Variants in CEP85L observed in about 807,000 individuals in gnomAD.
CEP85L encodes the protein centrosomal protein of 85 kDa-like.
In CEP85L, 60 loss-of-function variants were observed where a neutral mutation model predicts 100.3. The observed-to-expected ratio is 0.60, with a 90% confidence interval of 0.49 to 0.74. The LOEUF is 0.74. Ranked by LOEUF, CEP85L falls within the 30% of genes least tolerant of loss-of-function variation. The pLI, the probability that CEP85L is intolerant of heterozygous loss-of-function variation, is 0.00. For synonymous variants in CEP85L, 319 were observed against 322.7 expected, an observed-to-expected ratio of 0.99 and a Z score of 0.12; for missense variants, 973 against 936.2, an observed-to-expected ratio of 1.04 and a Z score of -0.51.
chr6:118,647,208 T>A (rs950334869), intron 1 of CEP85L: 1 of 239,284 alleles, frequency 4.2e-6, no homozygotes, highest in Non-Finnish European at 6.8e-6. Context: ...AAACACCTTA[T>A]GGCAAGCATC....
At chr6:118,612,707 T>G (rs1341663474) in intron 2 of CEP85L, among the ~76,000 whole-genome samples, 3 of 118,400 alleles carry the variant, frequency 2.5e-5, no homozygotes, top group East Asian at 3.2e-4. Context: ...CTCAAATCAG[T>G]AATCTAATCT....
At chr6:118,591,219 G>A (rs916495280) in intron 2 of CEP85L, among the ~76,000 whole-genome samples, 8 of 152,168 alleles carry the variant, frequency 5.3e-5, no homozygotes, top group African/African-American at 1.7e-4. Context: ...GGGTCTGGAG[G>A]CAGGGAACCT....
intron 1 of CEP85L, among the ~76,000 whole-genome samples, chr6:118,707,457 G>C (rs1299213835): frequency 1.3e-5 from 2 of 152,118 alleles, no homozygotes; most frequent in Non-Finnish European, 2.9e-5. Flanking sequence ...GCCTCCCAAA[G>C]TGCTGGGATT....
chr6:118,570,491 A>C (rs1232614084), intron 2 of CEP85L, among the ~76,000 whole-genome samples: 2 of 152,194 alleles, frequency 1.3e-5, no homozygotes, highest in Non-Finnish European at 2.9e-5. Flanking sequence ...TGAGTGAAAA[A>C]TCAATTTCAC....
intron 2 of CEP85L, among the ~76,000 whole-genome samples, chr6:118,570,603 C>T (rs1438049962): frequency 6.6e-6 from 1 of 152,118 alleles, no homozygotes; most frequent in Non-Finnish European, 1.5e-5. Flanking sequence ...TCCCTTATTA[C>T]AAATTCTCAA....
chr6:118,472,441 A>G (rs1773034123), intron 10 of CEP85L, among the ~76,000 whole-genome samples: 1 of 152,168 alleles, frequency 6.6e-6, no homozygotes, highest in Non-Finnish European at 1.5e-5. Context: ...GTGCTGTACA[A>G]ATTGGTCTAG....
At chr6:118,505,621 G>A (rs1324805660) in intron 5 of CEP85L, among the ~76,000 whole-genome samples, 1 of 151,998 alleles carries the variant, frequency 6.6e-6, no homozygotes, top group East Asian at 1.9e-4. Flanking sequence ...AGTGAAAGAA[G>A]CCAGTTTAAA....
chr6:118,461,599 G>C lies in CEP85L; in HGVS notation c.*3806C>G, dbSNP rs2114351770. The C allele has an allele frequency of 6.6e-6, 1 of 151,826 alleles. No individual in the cohort carries two copies. The highest frequency in any genetic ancestry group is 1.5e-5 in the Non-Finnish European group (1 of 67,882). 9.4% of individuals were successfully genotyped at this position (151,826 alleles called of 1,614,324 possible). A position where few individuals can be genotyped will look rare whatever the true frequency, so the allele number is the denominator to read the frequency against. On this transcript the variant is annotated 3_prime_UTR_variant, in exon 13 of 13. Coordinates refer to ENST00000368491, the MANE Select transcript of CEP85L (RefSeq NM_001042475.3). ...ATTTAAAACTATATTCTTATATTTA[G>C]CACTTTTTTAAATAAGAAAAAAAAT... is the stretch of plus-strand genomic sequence containing the variant.
At chr6:118,671,688 A>G (rs911359572) in intron 1 of CEP85L, among the ~76,000 whole-genome samples, 3 of 152,204 alleles carry the variant, frequency 2.0e-5, no homozygotes, top group African/African-American at 7.2e-5. Context: ...TTATAATTCC[A>G]GCACTTTGGG....
intron 2 of CEP85L, among the ~76,000 whole-genome samples, chr6:118,625,717 A>G (rs1012306621): frequency 2.0e-5 from 3 of 152,230 alleles, no homozygotes; most frequent in Non-Finnish European, 4.4e-5. Flanking sequence ...ACGTAGAAAG[A>G]GTGAACTCCA....
chr6:118,537,226 GA>G lies in CEP85L; in HGVS notation c.1021-13307del, dbSNP rs573015638. On this transcript the variant is annotated intron_variant, in intron 3 of 12. Transcript: ENST00000368491. ...TATAACTTATTAATGACAAAACTTT[GA>G]CATGAACATGCAATGTAAAAGGTAG... Among the ~76,000 whole-genome samples the G allele has an allele frequency of 9.2e-5, 14 of 152,142 alleles. No homozygotes were observed. The South Asian group carries it at 2.9e-3, about 32-fold the overall frequency.
intron 1 of CEP85L, among the ~76,000 whole-genome samples, chr6:118,634,688 T>C (rs190998437): frequency 2.0e-5 from 3 of 152,012 alleles, no homozygotes; most frequent in Admixed American, 2.0e-4. Flanking sequence ...ACCAGATCTA[T>C]TCTAATTCTG....
intron 1 of CEP85L, among the ~76,000 whole-genome samples, chr6:118,650,396 C>T (rs1194446417): frequency 6.6e-6 from 1 of 152,180 alleles, no homozygotes; most frequent in Non-Finnish European, 1.5e-5. Context: ...TTTGTGGCTC[C>T]TACACAACTT....
intron 2 of CEP85L, among the ~76,000 whole-genome samples, chr6:118,581,873 T>C (rs1459484068): frequency 1.3e-5 from 2 of 152,164 alleles, no homozygotes; most frequent in African/African-American, 4.8e-5. Flanking sequence ...TGGGGACAGA[T>C]AAACCTGGCC....
At chr6:118,551,317 C>G (rs2114929790) in intron 3 of CEP85L, among the ~76,000 whole-genome samples, 1 of 151,790 alleles carries the variant, frequency 6.6e-6, no homozygotes, top group Admixed American at 6.6e-5. Flanking sequence ...AGTTTTCAAC[C>G]CCCAACCCCC....
chr6:118,474,846 G>A (rs1773233194), intron 10 of CEP85L, among the ~76,000 whole-genome samples: 1 of 152,208 alleles, frequency 6.6e-6, no homozygotes, highest in South Asian at 2.1e-4. Context: ...CAGTTGACAG[G>A]ATACTATTAG....
Position 118,480,448 on chromosome 6 carries a change from T to C in CEP85L, c.1811A>G (p.Gln604Arg). Reference protein sequence around the residue: ...GIRLPMLDAKQLQNENDNLRQ... With the variant: ...GIRLPMLDAKRLQNENDNLRQ... Reference sequence around the variant, plus strand: ...GAGATTATCATTTTCATTCTGAAGCTGTTTTGCATCTAACATGGGAAGGCG... The same window carrying C: ...GAGATTATCATTTTCATTCTGAAGCCGTTTTGCATCTAACATGGGAAGGCG... Residue 604 changes from glutamine (Q) to arginine (R), a missense_variant, in exon 9 of 13, where the codon CAG (glutamine) becomes CGG (arginine). By Grantham distance (43) the Gln-to-Arg change is conservative. Coordinates refer to ENST00000368491, the MANE Select transcript of CEP85L (RefSeq NM_001042475.3). 6.2e-7 allele frequency: 1 copy of C among 1,612,256 alleles called. No individual in the cohort carries two copies. The highest frequency in any genetic ancestry group is 2.2e-5 in the East Asian group (1 of 44,766).
chr6:118,628,300 G>A (rs1773932164), intron 2 of CEP85L, among the ~76,000 whole-genome samples: 1 of 152,114 alleles, frequency 6.6e-6, no homozygotes, highest in African/African-American at 2.4e-5. Flanking sequence ...GGCTTTAATT[G>A]AAAAAGTAGA....
At chr6:118,682,011 C>T (rs1404077684) in intron 1 of CEP85L, among the ~76,000 whole-genome samples, 1 of 152,124 alleles carries the variant, frequency 6.6e-6, no homozygotes, top group Non-Finnish European at 1.5e-5. Context: ...GGATTACAGG[C>T]GTGAGCCTGG....
Sources: gnomAD v4.1 joint callset for allele counts (sites outside exome capture counted in the v4.1 genomes callset) on GRCh38, gnomAD v4.1.1 for gene constraint, MANE v1.5 for transcripts, NCBI Gene and HGNC (gene_info 2026-07-23, HGNC 2026-07-21) for gene names.